The following CYP3A5 variants were observed in gnomAD, a reference collection of about 807,000 sequenced individuals.
CYP3A5 encodes cytochrome P450 3A5.
A neutral mutation model predicts 55.9 loss-of-function variants in CYP3A5; 51 were observed. That is an observed-to-expected ratio of 0.91 (90% confidence interval 0.73 to 1.15). The LOEUF (loss-of-function observed/expected upper bound fraction) is 1.15, where lower values mean the gene tolerates loss of function less well. Among genes scored for constraint, CYP3A5 ranks in the 50% most tolerant of loss-of-function variants. The pLI is 0.00. For missense variants in CYP3A5, 533 were observed against 596.6 expected (o/e 0.89, Z 1.11); for synonymous variants, 196 against 213.9 (o/e 0.92, Z 0.73).
chr7:99,671,096 T>C (rs570689199), intron 4 of CYP3A5: 1 of 149,656 alleles, frequency 6.7e-6, no homozygotes, highest in Non-Finnish European at 1.5e-5. Flanking sequence ...AGATATATAA[T>C]GAAAACTATA....
intron 1 of CYP3A5, 93 bp from the exon 2 acceptor site, chr7:99,676,301 G>A: frequency 1.9e-6 from 3 of 1,592,764 alleles, no homozygotes; most frequent in Non-Finnish European, 2.6e-6. Flanking sequence ...GGTCAAGAGA[G>A]GGAGGTAATA....
chr7:99,676,002 T>C, intron 2 of CYP3A5, 113 bp downstream of exon 2: 1 of 876,272 alleles, frequency 1.1e-6, no homozygotes, highest in Non-Finnish European at 1.8e-6. Context: ...GTCCCACCAT[T>C]TCTGAAAATG....
chr7:99,664,143 C>G, intron 7 of CYP3A5, 48 bp from the exon 8 acceptor site: 1 of 1,427,666 alleles, frequency 7.0e-7, no homozygotes, highest in Non-Finnish European at 9.6e-7. Flanking sequence ...AAAATGCAAA[C>G]TTTACCTGGA....
At chr7:99,655,323 T>C (rs1296142265) in intron 10 of CYP3A5, among the ~76,000 whole-genome samples, 1 of 152,216 alleles carries the variant, frequency 6.6e-6, no homozygotes, top group African/African-American at 2.4e-5. Flanking sequence ...CAGCACCATT[T>C]ATTAAATAGG....
intron 3 of CYP3A5, 61 bp from the exon 4 acceptor site, chr7:99,672,740 A>G: frequency 6.2e-7 from 1 of 1,608,812 alleles, no homozygotes; most frequent in Non-Finnish European, 8.5e-7. Flanking sequence ...CTGGAGCCAC[A>G]CCCAGGAAGC....
chr7:99,662,950 C>A lies in CYP3A5; in HGVS notation c.799-68G>T. On this transcript the variant is annotated intron_variant, in intron 8 of 12. Transcript: ENST00000222982. This position sits in a 1 kb window ranked among gnomAD's most constrained non-coding sequence, Gnocchi z 4.3. ...TGAAGTCAGAAGTAAATCAAAAGTG[C>A]AGTCCTCAACCTCCCTTCTTGACTT... 5 of 1,599,120 alleles carry A rather than the reference C, an allele frequency of 3.1e-6. No homozygotes were observed. The South Asian group carries it at 5.6e-5, about 18-fold the overall frequency.
Position 99,679,915 on chromosome 7 carries a change from A to G in CYP3A5, c.-19T>C, listed in dbSNP as rs4646441. On this transcript the variant is annotated 5_prime_UTR_variant, in exon 1 of 13. Coordinates refer to ENST00000222982, the MANE Select transcript of CYP3A5 (RefSeq NM_000777.5). ...GGTCCATCGCCACTTTCCTTCTTCA[A>G]CTGTGTTCTGTGAGTCTTCCTTTTA... 86 of 1,611,870 alleles carry G rather than the reference A, an allele frequency of 5.3e-5. 1 individual carries two copies. Among genetic ancestry groups the G allele is most frequent in the East Asian group, 4.7e-4 (21 of 44,862 alleles).
At chr7:99,676,555 C>T (rs748528451) in intron 1 of CYP3A5, 119 of 1,358,684 alleles carry the variant, frequency 8.8e-5, no homozygotes, top group East Asian at 1.8e-4. Flanking sequence ...GTGGACTCTT[C>T]GCTGATTTGG....
intron 2 of CYP3A5, among the ~76,000 whole-genome samples, chr7:99,675,557 G>A (rs542760370): frequency 8.6e-4 from 127 of 147,624 alleles, no homozygotes; most frequent in Non-Finnish European, 1.6e-3. Flanking sequence ...TCCCTCCAGG[G>A]GTAAACCTGG....
At chr7:99,671,998 C>T in intron 4 of CYP3A5, 1 of 611,598 alleles carries the variant, frequency 1.6e-6, no homozygotes, top group Non-Finnish European at 2.9e-6. Flanking sequence ...ATTTCCTGTA[C>T]TATAGTATTA....
intron 6 of CYP3A5, among the ~76,000 whole-genome samples, chr7:99,666,210 C>G (rs1451904357): frequency 2.6e-5 from 4 of 152,246 alleles, no homozygotes; most frequent in East Asian, 3.9e-4. Context: ...TTCCAAGTTC[C>G]CCATTGTAAC....
At chr7:99,660,012 C>T (rs755669166) in intron 10 of CYP3A5, 2 of 170,520 alleles carry the variant, frequency 1.2e-5, no homozygotes, top group Admixed American at 6.5e-5. Context: ...CTTGCACTTC[C>T]CAGGTGAGGT....
intron 11 of CYP3A5, chr7:99,652,156 A>AATATATACATATATATATATTTAT (rs1455476698): frequency 4.7e-5 from 7 of 149,336 alleles, no homozygotes; most frequent in African/African-American, 1.7e-4. Context: ...TGGCATATGC[A>AATATATACATATATATATATTTAT]ATATATACAT....
At chr7:99,656,329 T>G (rs554575390) in intron 10 of CYP3A5, among the ~76,000 whole-genome samples, 1 of 152,372 alleles carries the variant, frequency 6.6e-6, no homozygotes, top group South Asian at 2.1e-4. Flanking sequence ...TCTGCATCTA[T>G]TGAGATAATC....
chr7:99,651,247 T>G (rs1809155263), intron 11 of CYP3A5, among the ~76,000 whole-genome samples: 1 of 152,182 alleles, frequency 6.6e-6, no homozygotes, highest in South Asian at 2.1e-4. Flanking sequence ...ATGTCAAACA[T>G]TCTCTAATAT....
chr7:99,656,401 T>C (rs1271570431), intron 10 of CYP3A5, among the ~76,000 whole-genome samples: 1 of 152,246 alleles, frequency 6.6e-6, no homozygotes, highest in African/African-American at 2.4e-5. Context: ...TTGCGTATGT[T>C]GAACCAGCCT....
At chr7:99,666,181 C>T (rs1290797634) in intron 6 of CYP3A5, among the ~76,000 whole-genome samples, 1 of 152,138 alleles carries the variant, frequency 6.6e-6, no homozygotes, top group Non-Finnish European at 1.5e-5. Context: ...TCAGAAAAAC[C>T]ATGAAGGGAT....
At chr7:99,655,904 A>G (rs921214941) in intron 10 of CYP3A5, among the ~76,000 whole-genome samples, 21 of 152,036 alleles carry the variant, frequency 1.4e-4, no homozygotes, top group Admixed American at 9.2e-4. Context: ...GTATAAGAAT[A>G]TTTGTGATTT....
rs375339793 is a variant in CYP3A5, at chr7:99,666,584, G to A, written c.521+17C>T. The A allele has an allele frequency of 3.1e-6, 5 of 1,611,656 alleles. No homozygotes were observed. In the African/African-American group the frequency reaches 5.3e-5, roughly 17 times the overall value. On this transcript the variant is annotated intron_variant, in intron 6 of 12. Coordinates refer to ENST00000222982, the MANE Select transcript of CYP3A5 (RefSeq NM_000777.5). ...GCTCATGACAGCTCAGAACCCCATG[G>A]CTGTGCTCCTACTTACTCTTTCAAG...
Sources: allele counts gnomAD v4.1 joint callset (sites outside exome capture counted in the v4.1 genomes callset), GRCh38; gene constraint gnomAD v4.1.1; non-coding constraint Gnocchi (gnomAD v3.1); transcripts MANE v1.5; gene names NCBI Gene and HGNC (gene_info 2026-07-23, HGNC 2026-07-21).